RGS7: variants seen among roughly 807,000 people sequenced by gnomAD.
RGS7 encodes the protein regulator of G-protein signaling 7.
RGS7 carries 27 observed loss-of-function variants against 81.1 expected under a neutral mutation model. The observed-to-expected ratio is 0.33, with a 90% CI of 0.25 to 0.46. The LOEUF is 0.46. Among genes scored for constraint, RGS7 ranks in the 20% least tolerant of loss-of-function variants. RGS7 has a pLI of 1.00. For missense variants in RGS7, 396 were observed against 607.4 expected (o/e 0.65, Z 3.66); for synonymous variants, 208 against 207.7 (o/e 1.00, Z -0.01).
At chr1:241,265,610 A>C (rs568533927) in intron 2 of RGS7, among the ~76,000 whole-genome samples, 1 of 152,154 alleles carries the variant, frequency 6.6e-6, no homozygotes, top group African/African-American at 2.4e-5. Flanking sequence ...AAACTAAAGG[A>C]AGGAGTTGGA....
intron 2 of RGS7, among the ~76,000 whole-genome samples, chr1:241,324,079 G>A (rs2081356577): frequency 6.6e-6 from 1 of 152,202 alleles, no homozygotes; most frequent in African/African-American, 2.4e-5. Flanking sequence ...TGAATGTGTA[G>A]TGGTTAGCAC....
intron 9 of RGS7, among the ~76,000 whole-genome samples, chr1:240,865,886 T>C (rs767073653): frequency 1.3e-5 from 2 of 152,124 alleles, no homozygotes; most frequent in Non-Finnish European, 2.9e-5. Context: ...GAAAATAACA[T>C]AGGAGCTCTC....
chr1:240,998,134 C>A (rs566983727), intron 3 of RGS7, among the ~76,000 whole-genome samples: 1 of 152,272 alleles, frequency 6.6e-6, no homozygotes, highest in East Asian at 1.9e-4. Flanking sequence ...GTGGCACTTT[C>A]TTCTGGCATC....
intron 9 of RGS7, among the ~76,000 whole-genome samples, chr1:240,853,655 C>T (rs528188767): frequency 2.0e-5 from 3 of 152,062 alleles, no homozygotes; most frequent in Admixed American, 2.0e-4. Context: ...CCTGAAACCC[C>T]AGCACTTTGG....
intron 3 of RGS7, among the ~76,000 whole-genome samples, chr1:241,034,692 T>C (rs952999051): frequency 1.3e-5 from 2 of 152,244 alleles, no homozygotes; most frequent in African/African-American, 4.8e-5. Flanking sequence ...CACTTGTTTA[T>C]AGATGTCTTA....
In RGS7 at chr1:240,868,753, C is replaced by A; in HGVS notation, c.527+23G>T. The A allele has an allele frequency of 6.2e-7, 1 of 1,613,832 alleles. No individual in the cohort carries two copies. Among genetic ancestry groups the A allele is most frequent in the Non-Finnish European group, 8.5e-7 (1 of 1,179,866 alleles). ...AAAGGCCACAACTGGAACAAATCTT[C>A]CAAACGACTCACAAGGACTCACTTT... is the stretch of plus-strand genomic sequence containing the variant. On this transcript the variant is annotated intron_variant, in intron 8 of 18. Transcript: ENST00000440928. This position sits in a 1 kb window ranked among gnomAD's most constrained non-coding sequence, Gnocchi z 5.1.
At chr1:241,279,889 C>T (rs1449312864) in intron 2 of RGS7, among the ~76,000 whole-genome samples, 1 of 152,044 alleles carries the variant, frequency 6.6e-6, no homozygotes, top group East Asian at 1.9e-4. Flanking sequence ...TGTGTATCAA[C>T]AGTTTATCCC....
chr1:241,328,395 CA>C (rs780757320), intron 2 of RGS7, among the ~76,000 whole-genome samples: 4 of 152,190 alleles, frequency 2.6e-5, no homozygotes, highest in Non-Finnish European at 5.9e-5. Context: ...CTCACTTGTC[CA>C]CTTTCAGCCA....
intron 3 of RGS7, among the ~76,000 whole-genome samples, chr1:241,036,519 G>A (rs575631857): frequency 5.9e-5 from 9 of 152,228 alleles, no homozygotes; most frequent in South Asian, 2.1e-4. Flanking sequence ...ATAGAGCAGC[G>A]CCAAGATCTG....
chr1:240,785,817 T>C (rs1173133359), intron 18 of RGS7, among the ~76,000 whole-genome samples: 1 of 152,222 alleles, frequency 6.6e-6, no homozygotes, highest in Non-Finnish European at 1.5e-5. Flanking sequence ...TGAAATCAGT[T>C]CTTCCAGGTA....
intron 2 of RGS7, among the ~76,000 whole-genome samples, chr1:241,102,684 G>A (rs1174178122): frequency 6.6e-6 from 1 of 151,890 alleles, no homozygotes; most frequent in Non-Finnish European, 1.5e-5. Context: ...TCTCACTGTT[G>A]CCTCCTCTTT....
intron 6 of RGS7, among the ~76,000 whole-genome samples, chr1:240,917,388 A>G (rs1672779587): frequency 6.6e-6 from 1 of 151,984 alleles, no homozygotes; most frequent in Admixed American, 6.6e-5. Flanking sequence ...TCTGATGGAT[A>G]AAAAAGTGTT....
intron 2 of RGS7, among the ~76,000 whole-genome samples, chr1:241,308,421 C>T (rs966424344): frequency 2.0e-5 from 3 of 152,146 alleles, no homozygotes; most frequent in Admixed American, 6.5e-5. Flanking sequence ...TGTTTTGACA[C>T]GGATATGGAT....
intron 4 of RGS7, among the ~76,000 whole-genome samples, chr1:240,962,470 T>C (rs888219733): frequency 3.3e-5 from 5 of 152,204 alleles, no homozygotes; most frequent in African/African-American, 1.2e-4. Context: ...GCTTACCAAA[T>C]GTGTACCTCA....
intron 5 of RGS7, among the ~76,000 whole-genome samples, chr1:240,932,876 C>CTTTTTTT (rs36194238): frequency 5.8e-4 from 33 of 57,326 alleles, no homozygotes; most frequent in Non-Finnish European, 7.2e-4. Flanking sequence ...TGGTATCTTT[C>CTTTTTTT]TTTTTTTTTT....
At chr1:241,003,064 A>T (rs939653360) in intron 3 of RGS7, among the ~76,000 whole-genome samples, 2 of 152,240 alleles carry the variant, frequency 1.3e-5, no homozygotes, top group Admixed American at 1.3e-4. Context: ...TATTTTAAAA[A>T]TTTACACTAT....
chr1:241,253,536 T>G (rs1228195863), intron 2 of RGS7, among the ~76,000 whole-genome samples: 1 of 152,122 alleles, frequency 6.6e-6, no homozygotes, highest in Non-Finnish European at 1.5e-5. Flanking sequence ...TGAAAATGGA[T>G]CCCTAACTGT....
At chr1:241,269,647 T>C (rs2148334813) in intron 2 of RGS7, among the ~76,000 whole-genome samples, 1 of 152,136 alleles carries the variant, frequency 6.6e-6, no homozygotes, top group Middle Eastern at 3.4e-3. Context: ...AGGAGACAAA[T>C]TGAAAAGGGA....
chr1:241,067,764 C>A (rs948547761), intron 3 of RGS7, among the ~76,000 whole-genome samples: 5 of 152,074 alleles, frequency 3.3e-5, no homozygotes, highest in African/African-American at 4.8e-5. Context: ...ATCCACCTGC[C>A]TCGGCCTCCC....
Sources: gnomAD v4.1 joint callset for allele counts (sites outside exome capture counted in the v4.1 genomes callset) on GRCh38, gnomAD v4.1.1 for gene constraint, Gnocchi (gnomAD v3.1) non-coding constraint, MANE v1.5 for transcripts, NCBI Gene and HGNC (gene_info 2026-07-23, HGNC 2026-07-21) for gene names.